PTK2: variants seen among roughly 807,000 people sequenced by gnomAD.
PTK2 encodes focal adhesion kinase 1.
Under a neutral mutation model 150.1 loss-of-function variants are expected in PTK2, and 45 were observed. The ratio of observed to expected loss-of-function variants is 0.30; its 90% CI spans 0.24 to 0.38. The LOEUF is 0.38. Ranked by LOEUF, PTK2 falls within the 10% of genes least tolerant of loss-of-function variation. PTK2 has a pLI of 1.00. For missense variants in PTK2, 919 were observed against 1,307.3 expected, an observed-to-expected ratio of 0.70 and a Z score of 4.58; for synonymous variants, 432 against 449.2, an observed-to-expected ratio of 0.96 and a Z score of 0.48.
At chr8:140,755,528 C>T (rs1290073237) in intron 16 of PTK2, among the ~76,000 whole-genome samples, 1 of 152,232 alleles carries the variant, frequency 6.6e-6, no homozygotes, top group Non-Finnish European at 1.5e-5. Flanking sequence ...CATGAGAATG[C>T]TCAAGCTCCA....
intron 25 of PTK2, among the ~76,000 whole-genome samples, chr8:140,701,425 A>G (rs2100030390): frequency 6.6e-6 from 1 of 152,146 alleles, no homozygotes; most frequent in African/African-American, 2.4e-5. Flanking sequence ...CTTTCATTCA[A>G]ATAAGTAATT....
intron 7 of PTK2, among the ~76,000 whole-genome samples, chr8:140,831,671 T>C (rs962284005): frequency 2.6e-5 from 4 of 152,234 alleles, no homozygotes; most frequent in Non-Finnish European, 5.9e-5. Flanking sequence ...CATCCTATAA[T>C]TCTCTCTCAG....
intron 26 of PTK2, among the ~76,000 whole-genome samples, chr8:140,693,965 A>G (rs557198051): frequency 6.6e-6 from 1 of 152,318 alleles, no homozygotes; most frequent in South Asian, 2.1e-4. Flanking sequence ...CCAGAGCAGT[A>G]GGCCTGGGTG....
intron 26 of PTK2, among the ~76,000 whole-genome samples, chr8:140,688,981 A>T (rs532233551): frequency 3.9e-5 from 6 of 152,226 alleles, no homozygotes; most frequent in African/African-American, 1.4e-4. Context: ...CCCATTAGAT[A>T]TAGACAGCTG....
intron 1 of PTK2, among the ~76,000 whole-genome samples, chr8:140,935,700 A>ATTTTTTT (rs1603411537): frequency 1.9e-5 from 1 of 52,466 alleles, no homozygotes; most frequent in Admixed American, 3.6e-4. Context: ...GTATGTCCTC[A>ATTTTTTT]TCTTTTTTTT....
chr8:140,983,176 C>T (rs1287106173), intron 1 of PTK2, among the ~76,000 whole-genome samples: 1 of 152,028 alleles, frequency 6.6e-6, no homozygotes, highest in Non-Finnish European at 1.5e-5. Context: ...CTTCTGAGGT[C>T]AGGAGTTTGA....
At chr8:140,737,763 T>C (rs931246787) in intron 21 of PTK2, among the ~76,000 whole-genome samples, 35 of 152,296 alleles carry the variant, frequency 2.3e-4, no homozygotes, top group African/African-American at 7.9e-4. Context: ...GTTCCAGAAA[T>C]GTTAACATGT....
chr8:140,911,844 A>G (rs1258929953), intron 2 of PTK2, among the ~76,000 whole-genome samples: 1 of 152,254 alleles, frequency 6.6e-6, no homozygotes, highest in African/African-American at 2.4e-5. Context: ...AGAAAACCTG[A>G]TAAAACGATT....
intron 27 of PTK2, among the ~76,000 whole-genome samples, chr8:140,684,631 A>G (rs979970943): frequency 2.6e-5 from 4 of 152,192 alleles, no homozygotes; most frequent in African/African-American, 4.8e-5. Flanking sequence ...CACACAAAAT[A>G]CCCAGGAATA....
intron 1 of PTK2, among the ~76,000 whole-genome samples, chr8:140,989,212 TAAAAAAAAAAA>T (rs71310816): frequency 6.6e-5 from 4 of 60,582 alleles, no homozygotes; most frequent in East Asian, 9.6e-4. Context: ...ACCCTGTCTC[TAAAAAAAAAAA>T]AAAAAAAAAA....
At chr8:140,771,779 A>ATTTT (rs34027936) in intron 14 of PTK2, among the ~76,000 whole-genome samples, 8 of 135,044 alleles carry the variant, frequency 5.9e-5, no homozygotes. Flanking sequence ...TCCTATTAAC[A>ATTTT]TTTTTTTTTT....
At chr8:140,976,615 C>CT (rs1158162059) in intron 1 of PTK2, among the ~76,000 whole-genome samples, 3 of 152,330 alleles carry the variant, frequency 2.0e-5, no homozygotes, top group Admixed American at 2.0e-4. Flanking sequence ...AGTCACTTGT[C>CT]TTTAAGCTTC....
chr8:140,890,466 ACTAT>A, intron 3 of PTK2, 73 bp downstream of exon 3: 1 of 1,207,206 alleles, frequency 8.3e-7, no homozygotes, highest in South Asian at 1.4e-5. Context: ...AAATTATTAC[ACTAT>A]CTTTTTTCAT....
At chr8:140,987,791 C>T (rs1285928725) in intron 1 of PTK2, among the ~76,000 whole-genome samples, 4 of 152,186 alleles carry the variant, frequency 2.6e-5, no homozygotes, top group African/African-American at 9.7e-5. Context: ...TCCTATGACC[C>T]CAGCACTTTG....
At chr8:140,744,690 T>C (rs748114818) in exon 19 of PTK2, 21 of 1,602,884 alleles carry the variant, frequency 1.3e-5, no homozygotes, top group African/African-American at 4.0e-5. Context: ...ATGCAAGAGC[T>C]GTACTAAGCT....
chr8:140,676,847 G>A (rs138626660), intron 27 of PTK2, among the ~76,000 whole-genome samples: 9 of 147,584 alleles, frequency 6.1e-5, no homozygotes, highest in African/African-American at 2.3e-4. Flanking sequence ...CCTGAGGCGG[G>A]AGAATTGCTT....
At chr8:140,971,539 T>C (rs1344662352) in intron 1 of PTK2, among the ~76,000 whole-genome samples, 1 of 152,244 alleles carries the variant, frequency 6.6e-6, no homozygotes, top group Non-Finnish European at 1.5e-5. Flanking sequence ...CAGTTAACAC[T>C]GTTACCAAAC....
chr8:140,906,281 T>C (rs540582623), intron 2 of PTK2, among the ~76,000 whole-genome samples: 1 of 152,232 alleles, frequency 6.6e-6, no homozygotes, highest in South Asian at 2.1e-4. Context: ...GAATGTAAAG[T>C]AGTATAGCCA....
chr8:140,798,990 A>G lies in PTK2; in HGVS notation c.1093+1469T>C, dbSNP rs115341954. On this transcript the variant is annotated intron_variant, in intron 12 of 31. Coordinates refer to ENST00000522684, the Ensembl canonical transcript of PTK2. ...TTCATTACTCTATTTTATACAAAGA[A>G]AACTTAGGAAAAATATATGAATAGG... Among the ~76,000 whole-genome samples, 686 of 152,326 alleles carry G rather than the reference A, an allele frequency of 4.5e-3. 4 individuals are homozygous for G. The highest frequency in any genetic ancestry group is 0.016 in the African/African-American group (649 of 41,590).
Sources: gnomAD v4.1 joint callset for allele counts (sites outside exome capture counted in the v4.1 genomes callset) on GRCh38, gnomAD v4.1.1 for gene constraint, MANE v1.5 for transcripts, NCBI Gene and HGNC (gene_info 2026-07-23, HGNC 2026-07-21) for gene names.